GABRB1: variants seen among roughly 807,000 people sequenced by gnomAD.
The protein encoded by GABRB1 is gamma-aminobutyric acid receptor subunit beta-1.
A neutral mutation model predicts 51.6 loss-of-function variants in GABRB1; 17 were observed. That is an observed-to-expected ratio of 0.33 (90% CI 0.23 to 0.49). The LOEUF (loss-of-function observed/expected upper bound fraction) is 0.49, where lower values mean the gene tolerates loss of function less well. Ranked by LOEUF, GABRB1 falls within the 20% of genes least tolerant of loss-of-function variation. The pLI, the probability that GABRB1 is intolerant of heterozygous loss-of-function variation, is 0.99. For missense variants in GABRB1, 410 were observed against 600.6 expected, an observed-to-expected ratio of 0.68 and a Z score of 3.32; for synonymous variants, 247 against 218.9, an observed-to-expected ratio of 1.13 and a Z score of -1.14.
intron 4 of GABRB1, among the ~76,000 whole-genome samples, chr4:47,285,450 GAATT>G (rs1723471866): frequency 6.6e-6 from 1 of 152,172 alleles, no homozygotes. Flanking sequence ...AACGTACAAT[GAATT>G]GTTTCACAAC....
At chr4:47,226,111 T>C (rs1009967044) in intron 4 of GABRB1, among the ~76,000 whole-genome samples, 1 of 152,150 alleles carries the variant, frequency 6.6e-6, no homozygotes, top group African/African-American at 2.4e-5. Flanking sequence ...ATACAGTGAG[T>C]AGCAAAGCCA....
At chr4:47,282,757 T>C (rs1723339591) in intron 4 of GABRB1, among the ~76,000 whole-genome samples, 1 of 152,220 alleles carries the variant, frequency 6.6e-6, no homozygotes, top group Non-Finnish European at 1.5e-5. Flanking sequence ...TATGCCAGTA[T>C]AAAATAAGCA....
chr4:47,223,049 G>A (rs1244546410), intron 4 of GABRB1, among the ~76,000 whole-genome samples: 1 of 152,050 alleles, frequency 6.6e-6, no homozygotes. Context: ...TCCAGCAAAG[G>A]AGGAGCAATA....
At chr4:47,032,170 C>G (rs573910395) in intron 2 of GABRB1, among the ~76,000 whole-genome samples, 165 bp downstream of exon 2, 1 of 149,326 alleles carries the variant, frequency 6.7e-6, no homozygotes, top group African/African-American at 2.5e-5. Flanking sequence ...ACCCCGGGTC[C>G]CCAGTCTCAG....
chr4:47,377,696 G>A (rs905035034), intron 5 of GABRB1, among the ~76,000 whole-genome samples: 1 of 152,068 alleles, frequency 6.6e-6, no homozygotes, highest in Admixed American at 6.5e-5. Context: ...GCGCTGATTG[G>A]TGCCTTTACA....
intron 3 of GABRB1, among the ~76,000 whole-genome samples, chr4:47,082,637 A>G (rs2109569654): frequency 6.6e-6 from 1 of 152,190 alleles, no homozygotes; most frequent in South Asian, 2.1e-4. Context: ...GGTCTCACAA[A>G]TCTCCCAAAC....
chr4:47,166,074 A>G (rs1302966954), intron 4 of GABRB1, among the ~76,000 whole-genome samples: 1 of 151,790 alleles, frequency 6.6e-6, no homozygotes, highest in East Asian at 1.9e-4. Flanking sequence ...TTGCCATCTT[A>G]TTTCGCCTAG....
chr4:47,184,423 G>A (rs893439770), intron 4 of GABRB1, among the ~76,000 whole-genome samples: 1 of 151,874 alleles, frequency 6.6e-6, no homozygotes, highest in South Asian at 2.1e-4. Flanking sequence ...TAAATGGAAG[G>A]ACGGGGAAAT....
At chr4:47,108,416 C>T (rs1467090993) in intron 3 of GABRB1, among the ~76,000 whole-genome samples, 2 of 151,978 alleles carry the variant, frequency 1.3e-5, no homozygotes. Context: ...ACTTGGTAAA[C>T]CCAAATCTTT....
At chr4:47,131,845 T>A (rs1484657401) in intron 3 of GABRB1, among the ~76,000 whole-genome samples, 1 of 152,160 alleles carries the variant, frequency 6.6e-6, no homozygotes, top group African/African-American at 2.4e-5. Context: ...AATTGACAAG[T>A]AAAATATCTG....
At chr4:47,202,134 T>A (rs2109798306) in intron 4 of GABRB1, among the ~76,000 whole-genome samples, 1 of 152,188 alleles carries the variant, frequency 6.6e-6, no homozygotes, top group East Asian at 1.9e-4. Flanking sequence ...AGAGACCAGG[T>A]GGAAGTAATT....
intron 4 of GABRB1, among the ~76,000 whole-genome samples, chr4:47,288,243 C>CTATTATTATTATTAT (rs34976412): frequency 8.8e-5 from 13 of 148,184 alleles, no homozygotes; most frequent in Admixed American, 2.0e-4. Flanking sequence ...GGGCTTATTA[C>CTATTATTATTATTAT]TATTATTATT....
At position 47,120,336 on chromosome 4, in the gene GABRB1, A is replaced by G. The variant is rs113946160; in HGVS notation, c.241-40913A>G. ...TTTCAGCGTTTGATAGATTTTCCAG[A>G]CAGAAAATCAACAAGGAAACATTGG... On this transcript the variant is annotated intron_variant, in intron 3 of 8. Coordinates refer to ENST00000295454, the MANE Select transcript of GABRB1 (RefSeq NM_000812.4). Among the ~76,000 whole-genome samples the G allele has an allele frequency of 2.1e-3, 321 of 152,286 alleles. 2 individuals carry two copies. The highest frequency in any genetic ancestry group is 7.3e-3 in the African/African-American group (304 of 41,562).
chr4:47,388,135 C>T (rs1365551034), intron 5 of GABRB1, among the ~76,000 whole-genome samples: 1 of 152,004 alleles, frequency 6.6e-6, no homozygotes, highest in Non-Finnish European at 1.5e-5. Context: ...AAGAATATTA[C>T]AATATTAAAA....
chr4:47,245,401 A>G (rs1334275327), intron 4 of GABRB1, among the ~76,000 whole-genome samples: 1 of 152,188 alleles, frequency 6.6e-6, no homozygotes, highest in Non-Finnish European at 1.5e-5. Flanking sequence ...GGGGATACCA[A>G]TGTTCAATTA....
At chr4:47,247,477 TG>T in intron 4 of GABRB1, among the ~76,000 whole-genome samples, 1 of 152,238 alleles carries the variant, frequency 6.6e-6, no homozygotes, top group Non-Finnish European at 1.5e-5. Context: ...TTGTTATTTT[TG>T]CTTAGTCTTG....
At chr4:47,164,377 T>G (rs191325014) in intron 4 of GABRB1, among the ~76,000 whole-genome samples, 1 of 152,124 alleles carries the variant, frequency 6.6e-6, no homozygotes, top group Admixed American at 6.6e-5. Context: ...AAAGAATATC[T>G]GTTGTCACCT....
chr4:47,291,946 G>A (rs575861880), intron 4 of GABRB1, among the ~76,000 whole-genome samples: 1 of 152,300 alleles, frequency 6.6e-6, no homozygotes, highest in Admixed American at 6.5e-5. Context: ...GCTGAAATGA[G>A]TTAAGACTTT....
At chr4:47,123,114 A>G (rs1402207283) in intron 3 of GABRB1, among the ~76,000 whole-genome samples, 2 of 151,836 alleles carry the variant, frequency 1.3e-5, no homozygotes, top group African/African-American at 4.8e-5. Flanking sequence ...TGCCTTTTTG[A>G]CATCACAAAC....
Sources: gnomAD v4.1 joint callset for allele counts (sites outside exome capture counted in the v4.1 genomes callset) on GRCh38, gnomAD v4.1.1 for gene constraint, MANE v1.5 for transcripts, NCBI Gene and HGNC (gene_info 2026-07-23, HGNC 2026-07-21) for gene names.